The following HSF5 variants were observed in gnomAD, a reference collection of about 807,000 sequenced individuals.
HSF5 encodes heat shock factor protein 5.
A neutral mutation model predicts 50.8 loss-of-function variants in HSF5; 5 were observed. The ratio of observed to expected loss-of-function variants is 0.10; its 90% CI spans 0.05 to 0.21. The LOEUF (loss-of-function observed/expected upper bound fraction) is 0.21, where lower values mean the gene tolerates loss of function less well. Ranked by LOEUF, HSF5 falls within the 10% of genes least tolerant of loss-of-function variation. The pLI, the probability that HSF5 is intolerant of heterozygous loss-of-function variation, is 1.00. For missense variants in HSF5, 564 were observed against 762.6 expected, an observed-to-expected ratio of 0.74 and a Z score of 3.07; for synonymous variants, 307 against 307.4, an observed-to-expected ratio of 1.00 and a Z score of 0.02.
At chr17:58,453,129 A>G (rs2143766770) in intron 5 of HSF5, among the ~76,000 whole-genome samples, 1 of 152,362 alleles carries the variant, frequency 6.6e-6, no homozygotes, top group East Asian at 1.9e-4. Context: ...CACTAATACC[A>G]GTTCTACTTA....
intron 5 of HSF5, among the ~76,000 whole-genome samples, chr17:58,423,694 T>G (rs1468771704): frequency 6.6e-6 from 1 of 151,966 alleles, no homozygotes; most frequent in Non-Finnish European, 1.5e-5. Context: ...TTGGCCAGAC[T>G]GGTCTCAAAC....
intron 5 of HSF5, among the ~76,000 whole-genome samples, chr17:58,433,787 A>G (rs1258722488): frequency 6.6e-6 from 1 of 152,180 alleles, no homozygotes; most frequent in Admixed American, 6.5e-5. Flanking sequence ...TCAGTTGAGC[A>G]GAAGAAAGAA....
intron 5 of HSF5, among the ~76,000 whole-genome samples, chr17:58,447,083 C>T (rs1003170830): frequency 3.3e-5 from 5 of 151,942 alleles, no homozygotes; most frequent in African/African-American, 9.7e-5. Flanking sequence ...CAAGACTGTG[C>T]CACTGCACTC....
Position 58,487,738 on chromosome 17 carries a change from C to T in HSF5, c.537G>A (p.Arg179=). 7.2e-7 allele frequency: 1 copy of T among 1,386,698 alleles called. No individual in the cohort carries two copies. Among genetic ancestry groups the T allele is most frequent in the South Asian group, 1.7e-5 (1 of 58,700 alleles). The allele number at this position is 1,386,698 out of a possible 1,614,324, so 85.9% of individuals were successfully genotyped here. Residue 179 remains arginine, a synonymous_variant, in exon 1 of 6, where the codon CGG becomes CGA. Transcript: ENST00000323777. ...GTCCGGACTCACCGTGCGGCTCGGG[C>T]CGGGGCCCCGCGGGCGGCGGCGGCT... ...HQQPPPPAGP[R]PEPHGPVAVG...
chr17:58,476,166 CT>C, intron 2 of HSF5: 1 of 1,041,672 alleles, frequency 9.6e-7, no homozygotes. Context: ...CCTTCCTCCC[CT>C]TCATCATCAT....
chr17:58,468,128 T>C (rs905117439), intron 2 of HSF5, among the ~76,000 whole-genome samples: 1 of 152,168 alleles, frequency 6.6e-6, no homozygotes, highest in African/African-American at 2.4e-5. Flanking sequence ...CGAGGCATGG[T>C]GGCTCACTCC....
chr17:58,441,206 G>A (rs1974494295), intron 5 of HSF5, among the ~76,000 whole-genome samples: 1 of 151,814 alleles, frequency 6.6e-6, no homozygotes, highest in South Asian at 2.1e-4. Context: ...AAAGTAACTA[G>A]GAAAACCTCA....
intron 2 of HSF5, among the ~76,000 whole-genome samples, chr17:58,474,193 T>C (rs867029709): frequency 6.6e-6 from 1 of 152,234 alleles, no homozygotes; most frequent in Admixed American, 6.5e-5. Flanking sequence ...CACTACTTTT[T>C]ATTTCCTTCA....
At chr17:58,469,541 C>T (rs1228733936) in intron 2 of HSF5, among the ~76,000 whole-genome samples, 6 of 152,096 alleles carry the variant, frequency 3.9e-5, no homozygotes, top group Non-Finnish European at 8.8e-5. Context: ...CTATTCCTTA[C>T]CACTGTAGTC....
At chr17:58,459,213 T>C (rs917042804) in intron 4 of HSF5, among the ~76,000 whole-genome samples, 27 of 152,150 alleles carry the variant, frequency 1.8e-4, no homozygotes, top group Non-Finnish European at 3.1e-4. Context: ...AGGTTTTTTT[T>C]TTTGTTTTAA....
Position 58,487,742 on chromosome 17 carries a change from G to T in HSF5, c.533C>A (p.Pro178His). Residue 178 changes from proline (P) to histidine (H), a missense_variant, in exon 1 of 6, where the codon CCC becomes CAC. Transcript: ENST00000323777. ...GGACTCACCGTGCGGCTCGGGCCGG[G>T]GCCCCGCGGGCGGCGGCGGCTGCTG... ...QHQQPPPPAG[P>H]RPEPHGPVAV... is the part of the protein sequence containing the mutation. 7.2e-7 allele frequency: 1 copy of T among 1,383,840 alleles called. No individual in the cohort carries two copies. The highest frequency in any genetic ancestry group is 9.3e-7 in the Non-Finnish European group (1 of 1,081,062). The allele number at this position is 1,383,840 out of a possible 1,614,324, so 85.7% of individuals were successfully genotyped here. A position where few individuals can be genotyped will look rare whatever the true frequency, so the allele number is the denominator to read the frequency against.
chr17:58,422,557 A>G, intron 5 of HSF5, 127 bp from the exon 6 acceptor site: 3 of 617,734 alleles, frequency 4.9e-6, no homozygotes, highest in East Asian at 2.9e-5. Flanking sequence ...GTATAGTCCC[A>G]TCAGATTCTC....
chr17:58,478,249 T>A (rs1975045257), intron 2 of HSF5, among the ~76,000 whole-genome samples: 1 of 149,132 alleles, frequency 6.7e-6, no homozygotes, highest in Non-Finnish European at 1.5e-5. Context: ...TTGGCCAACA[T>A]GGTGAAACCC....
intron 5 of HSF5, among the ~76,000 whole-genome samples, chr17:58,428,374 T>C (rs1974321474): frequency 1.3e-5 from 2 of 152,020 alleles, no homozygotes; most frequent in Non-Finnish European, 2.9e-5. Flanking sequence ...AAAACCACAA[T>C]GAAGGCCAGG....
chr17:58,461,235 A>ACAACAACAT (rs1974790133), intron 4 of HSF5, among the ~76,000 whole-genome samples: 1 of 150,990 alleles, frequency 6.6e-6, no homozygotes, highest in Non-Finnish European at 1.5e-5. Flanking sequence ...AACAACAACA[A>ACAACAACAT]CAACAACAAC....
chr17:58,482,969 G>A (rs1975120398), intron 1 of HSF5, among the ~76,000 whole-genome samples: 1 of 149,872 alleles, frequency 6.7e-6, no homozygotes, highest in Non-Finnish European at 1.5e-5. Flanking sequence ...GCATAAAACA[G>A]TTTTTACGCT....
intron 1 of HSF5, among the ~76,000 whole-genome samples, chr17:58,483,978 T>C (rs1975133623): frequency 6.6e-6 from 1 of 151,776 alleles, no homozygotes; most frequent in African/African-American, 2.4e-5. Flanking sequence ...AAAAATGAGA[T>C]GAGGAAAAGT....
chr17:58,454,261 AT>A (rs752099276), intron 5 of HSF5, among the ~76,000 whole-genome samples: 58 of 152,060 alleles, frequency 3.8e-4, no homozygotes, highest in Non-Finnish European at 7.4e-4. Context: ...AAATAAAAAA[AT>A]AAATAAAAAT....
chr17:58,477,980 T>C (rs1040363634), intron 2 of HSF5, among the ~76,000 whole-genome samples: 10 of 152,078 alleles, frequency 6.6e-5, no homozygotes, highest in African/African-American at 2.4e-4. Flanking sequence ...CCCTTTCTTC[T>C]CTTTCTGGTC....
Sources: allele counts gnomAD v4.1 joint callset (sites outside exome capture counted in the v4.1 genomes callset), GRCh38; gene constraint gnomAD v4.1.1; transcripts MANE v1.5; gene names NCBI Gene and HGNC (gene_info 2026-07-23, HGNC 2026-07-21).